The following ATG13 variants were observed in gnomAD, a reference collection of about 807,000 sequenced individuals.
ATG13 encodes the protein autophagy related 13, also known as autophagy-related protein 13.
Under a neutral mutation model 65.5 loss-of-function variants are expected in ATG13, and 23 were observed. The ratio of observed to expected loss-of-function variants is 0.35; its 90% confidence interval spans 0.25 to 0.50. ATG13 has a LOEUF of 0.50. Among genes scored for constraint, ATG13 ranks in the 20% least tolerant of loss-of-function variants. The pLI is 0.98. For synonymous variants in ATG13, 252 were observed against 245.2 expected (o/e 1.03, Z -0.26); for missense variants, 566 against 677.0 (o/e 0.84, Z 1.82).
At chr11:46,637,505 T>C (rs1402957009) in intron 2 of ATG13, among the ~76,000 whole-genome samples, 1 of 152,202 alleles carries the variant, frequency 6.6e-6, no homozygotes, top group Non-Finnish European at 1.5e-5. Context: ...CCCGAGCAGC[T>C]GGGATTACAG....
intron 2 of ATG13, among the ~76,000 whole-genome samples, chr11:46,634,816 C>G (rs772357473): frequency 6.6e-5 from 10 of 152,160 alleles, no homozygotes; most frequent in Non-Finnish European, 1.2e-4. Flanking sequence ...ATTCTCCTGC[C>G]TCAGCCTCCC....
At chr11:46,641,930 A>G (rs1360892187) in intron 2 of ATG13, among the ~76,000 whole-genome samples, 2 of 151,956 alleles carry the variant, frequency 1.3e-5, no homozygotes, top group Non-Finnish European at 2.9e-5. Context: ...ATGTGCCACC[A>G]TGCCTGGCTA....
intron 10 of ATG13, 44 bp from the exon 11 acceptor site, chr11:46,659,348 C>A: frequency 6.7e-7 from 1 of 1,484,608 alleles, no homozygotes; most frequent in Non-Finnish European, 9.4e-7. Context: ...CTGAAATTGA[C>A]TGCCACCACC....
intron 18 of ATG13, among the ~76,000 whole-genome samples, chr11:46,670,996 T>G (rs980766118): frequency 6.6e-6 from 1 of 152,190 alleles, no homozygotes; most frequent in Non-Finnish European, 1.5e-5. Context: ...AAAGCTTTGC[T>G]TGATCTTAGA....
intron 2 of ATG13, chr11:46,638,715 A>G (rs1291105289): frequency 6.6e-6 from 1 of 152,200 alleles, no homozygotes; most frequent in Non-Finnish European, 1.5e-5. Context: ...TTCACCTAAC[A>G]TAATGCTCTC....
intron 7 of ATG13, among the ~76,000 whole-genome samples, chr11:46,653,987 C>T (rs1294560221): frequency 1.3e-5 from 2 of 151,794 alleles, no homozygotes; most frequent in East Asian, 3.9e-4. Context: ...TGAATTCAAA[C>T]TTTTTGCTAA....
At position 46,650,325 on chromosome 11, in the gene ATG13, G is replaced by A; in HGVS notation, c.458+8G>A. ...ATATGTCATATTATACAGGTAAACA[G>A]CATAGATGGTCATCTTGATTCACTC... On this transcript the variant is annotated splice_region_variant and intron_variant, in intron 7 of 18. Coordinates refer to ENST00000683050, the MANE Select transcript of ATG13 (RefSeq NM_001346311.2). 2 of 1,608,362 alleles carry A rather than the reference G, an allele frequency of 1.2e-6. No homozygotes were observed. The highest frequency in any genetic ancestry group is 1.7e-6 in the Non-Finnish European group (2 of 1,175,664).
At chr11:46,648,226 G>A (rs1319523682) in intron 5 of ATG13, among the ~76,000 whole-genome samples, 1 of 151,964 alleles carries the variant, frequency 6.6e-6, no homozygotes, top group African/African-American at 2.4e-5. Flanking sequence ...TTCCTGAGTA[G>A]CTGGGACTAC....
At chr11:46,653,786 G>C (rs901672934) in intron 7 of ATG13, among the ~76,000 whole-genome samples, 21 of 151,284 alleles carry the variant, frequency 1.4e-4, no homozygotes, top group African/African-American at 4.6e-4. Context: ...AGCCAGGATG[G>C]TCTCGATCTC....
In ATG13 at chr11:46,672,417, CAT is replaced by C. The variant is rs2063974059; in HGVS notation, c.*86_*87del. On this transcript the variant is annotated 3_prime_UTR_variant, in exon 19 of 19. Transcript: ENST00000683050. The stretch of plus-strand genomic sequence containing the variant: ...CCATGCATCAGCTGCTCCCACCCCT[CAT>C]CCTGCTCTGAGCCAGGTGGAAGGGA... The C allele has an allele frequency of 6.2e-7, 1 of 1,607,312 alleles. No homozygotes were observed. The highest frequency in any genetic ancestry group is 8.5e-7 in the Non-Finnish European group (1 of 1,176,014).
At chr11:46,624,996 G>A (rs1377453609) in intron 1 of ATG13, among the ~76,000 whole-genome samples, 1 of 151,998 alleles carries the variant, frequency 6.6e-6, no homozygotes, top group Non-Finnish European at 1.5e-5. Flanking sequence ...TCCAGCCTGA[G>A]CAACAGAGAC....
intron 7 of ATG13, among the ~76,000 whole-genome samples, chr11:46,655,939 G>T (rs2051656552): frequency 6.6e-6 from 1 of 152,064 alleles, no homozygotes; most frequent in African/African-American, 2.4e-5. Context: ...TTGCTGTGTT[G>T]CCCAGACTGG....
intron 1 of ATG13, among the ~76,000 whole-genome samples, chr11:46,624,520 C>T (rs534248016): frequency 3.3e-5 from 5 of 151,284 alleles, no homozygotes; most frequent in African/African-American, 7.3e-5. Context: ...ATAACACTGA[C>T]GTTTTTGAAG....
At position 46,672,767 on chromosome 11, in the gene ATG13, C is replaced by T. The variant is rs766562923; in HGVS notation, c.*435C>T. On this transcript the variant is annotated 3_prime_UTR_variant, in exon 19 of 19. Transcript: ENST00000683050. ...TGGCCAAGAGATTGGTGTGGAGTCG[C>T]AGAAAGAGGAAGGAGACAGTGCCAG... 62 of 1,313,374 alleles carry T rather than the reference C, an allele frequency of 4.7e-5. No homozygotes were observed. In the Admixed American group the frequency reaches 5.0e-4, roughly 11 times the overall value. The allele number at this position is 1,313,374 out of a possible 1,614,324, so 81.4% of individuals were successfully genotyped here.
chr11:46,636,371 C>T (rs2053959932), intron 2 of ATG13, among the ~76,000 whole-genome samples: 1 of 151,834 alleles, frequency 6.6e-6, no homozygotes, highest in African/African-American at 2.4e-5. Context: ...TCCTGGCTAA[C>T]ACAGTGAAAC....
At position 46,636,175 on chromosome 11, in the gene ATG13, T is replaced by TC. The variant is rs75423737; in HGVS notation, c.-14+6076dup. ...GATCACGGTGGACTATCCTGTGGCA[T>TC]CGTATTCCAATAATTATTTCCTCTC... On this transcript the variant is annotated intron_variant, in intron 2 of 18. Coordinates refer to ENST00000683050, the MANE Select transcript of ATG13 (RefSeq NM_001346311.2). 3.3e-5 allele frequency among the ~76,000 whole-genome samples: 5 copies of TC among 152,224 alleles called. No individual in the cohort carries two copies. The East Asian group carries it at 9.7e-4, about 29-fold the overall frequency.
At chr11:46,661,837 A>G (rs181040685) in intron 11 of ATG13, among the ~76,000 whole-genome samples, 1 of 152,326 alleles carries the variant, frequency 6.6e-6, no homozygotes, top group East Asian at 1.9e-4. Flanking sequence ...TCTCAAAAAA[A>G]AATAAAATAA....
At chr11:46,651,134 G>C (rs2136461737) in intron 7 of ATG13, among the ~76,000 whole-genome samples, 1 of 152,254 alleles carries the variant, frequency 6.6e-6, no homozygotes, top group Non-Finnish European at 1.5e-5. Context: ...GAGAACTTAA[G>C]AACTATACAG....
intron 15 of ATG13, among the ~76,000 whole-genome samples, 194 bp downstream of exon 15, chr11:46,668,081 AT>A (rs2062782287): frequency 6.6e-6 from 1 of 152,234 alleles, no homozygotes; most frequent in Non-Finnish European, 1.5e-5. Flanking sequence ...GTTAAGAACT[AT>A]TGTCCTGTGA....
Sources: allele counts gnomAD v4.1 joint callset (sites outside exome capture counted in the v4.1 genomes callset), GRCh38; gene constraint gnomAD v4.1.1; transcripts MANE v1.5; gene names NCBI Gene and HGNC (gene_info 2026-07-23, HGNC 2026-07-21).